The following PCDHGA1 variants were observed in gnomAD, a reference collection of about 807,000 sequenced individuals.
PCDHGA1 encodes the protein protocadherin gamma subfamily A, 1, also known as protocadherin gamma-A1.
A neutral mutation model predicts 58.0 loss-of-function variants in PCDHGA1; 32 were observed. That is an observed-to-expected ratio of 0.55 (90% CI 0.42 to 0.74). The LOEUF (loss-of-function observed/expected upper bound fraction) is 0.74. PCDHGA1 is among the 30% of genes least tolerant of loss of function. The pLI, the probability that PCDHGA1 is intolerant of heterozygous loss-of-function variation, is 0.00. For missense variants in PCDHGA1, 1,205 were observed against 1,182.3 expected (o/e 1.02, Z -0.28); for synonymous variants, 498 against 501.1 (o/e 0.99, Z 0.08).
rs747633858 is a variant in PCDHGA1, at chr5:141,491,133, C to T, written c.2422-3674C>T. 6.2e-6 allele frequency: 10 copies of T among 1,614,158 alleles called. No homozygotes were observed. In the South Asian group the frequency reaches 9.9e-5, roughly 16 times the overall value. The stretch of plus-strand genomic sequence containing the variant: ...CACACACTGGTGAGGTGCGCACAGC[C>T]CGGGCCTTACTGGAGGATGACTCTG... On this transcript the variant is annotated intron_variant, in intron 1 of 3. Transcript: ENST00000517417. The surrounding 1 kb of genome is among the most constrained non-coding windows in gnomAD (Gnocchi z 6.9).
rs369886570 is a variant in PCDHGA1 at position 141,487,839 on chromosome 5, G to A, written c.2422-6968G>A. ...GGGGGCGGGTCATGCCTATATCTGAGTAAGAAATGAAAGTAATTGGTGATC... is the reference window on the plus strand; with the variant it reads ...GGGGGCGGGTCATGCCTATATCTGAATAAGAAATGAAAGTAATTGGTGATC... On this transcript the variant is annotated intron_variant, in intron 1 of 3. Transcript: ENST00000517417. The surrounding 1 kb of genome is among the most constrained non-coding windows in gnomAD (Gnocchi z 5.0). The A allele has an allele frequency of 2.7e-6, 3 of 1,103,412 alleles. No homozygotes were observed. Among genetic ancestry groups the A allele is most frequent in the African/African-American group, 1.6e-5 (1 of 63,054 alleles). The allele number at this position is 1,103,412 out of a possible 1,614,324, so 68.4% of individuals were successfully genotyped here.
intron 3 of PCDHGA1, chr5:141,508,084 T>A (rs1422530110): frequency 6.6e-6 from 1 of 152,432 alleles, no homozygotes; most frequent in East Asian, 1.9e-4. Flanking sequence ...CTGGAGTTGC[T>A]GCCTTGGCCC....
intron 1 of PCDHGA1, among the ~76,000 whole-genome samples, chr5:141,480,873 C>A (rs1026513782): frequency 6.6e-6 from 1 of 152,168 alleles, no homozygotes; most frequent in East Asian, 1.9e-4. Context: ...GGTGAAACCC[C>A]GTCTCTACTA....
chr5:141,348,668 AG>A, intron 1 of PCDHGA1, among the ~76,000 whole-genome samples: 1 of 152,312 alleles, frequency 6.6e-6, no homozygotes, highest in East Asian at 1.9e-4. Context: ...TTCACTAAAA[AG>A]GATTTATTTT....
chr5:141,411,868 A>G (rs2095520425), intron 1 of PCDHGA1: 1 of 152,224 alleles, frequency 6.6e-6, no homozygotes, highest in South Asian at 2.1e-4. Flanking sequence ...TCAAAAAAAA[A>G]AGACATTTCT....
At chr5:141,428,290 C>G in intron 1 of PCDHGA1, 2 of 726,802 alleles carry the variant, frequency 2.8e-6, no homozygotes, top group Non-Finnish European at 4.8e-6. Context: ...CCAAGCAAAG[C>G]TGCAGATTTA....
intron 1 of PCDHGA1, chr5:141,422,851 C>A (rs1459531183): frequency 1.2e-6 from 2 of 1,614,122 alleles, no homozygotes; most frequent in African/African-American, 1.3e-5. Flanking sequence ...CGGGGACCCG[C>A]CCCTCAGCAG....
At position 141,362,803 on chromosome 5, in the gene PCDHGA1, A is replaced by G. The variant is rs148727944; in HGVS notation, c.2421+29698A>G. On this transcript the variant is annotated intron_variant, in intron 1 of 3. Transcript: ENST00000517417. ...ATTTCTTTTTCTTCCTCATCTTTACATTACTTCTCTCTGCAGATTTGTTGC... is the reference window on the plus strand; with the variant it reads ...ATTTCTTTTTCTTCCTCATCTTTACGTTACTTCTCTCTGCAGATTTGTTGC... 1.0e-3 allele frequency among the ~76,000 whole-genome samples: 152 copies of G among 152,282 alleles called. 1 individual carries two copies. The highest frequency in any genetic ancestry group is 3.3e-3 in the African/African-American group (137 of 41,538).
chr5:141,361,218 A>G (rs963780957), intron 1 of PCDHGA1: 8 of 1,613,906 alleles, frequency 5.0e-6, no homozygotes, highest in Non-Finnish European at 6.8e-6. Flanking sequence ...AGGATTCGCC[A>G]CCAGGAACAG....
intron 1 of PCDHGA1, chr5:141,440,405 CCACTG>C (rs2098176019): frequency 6.6e-6 from 1 of 152,126 alleles, no homozygotes; most frequent in South Asian, 2.1e-4. Flanking sequence ...GGCAATCGCA[CCACTG>C]CACTCCAGCC....
intron 1 of PCDHGA1, among the ~76,000 whole-genome samples, chr5:141,430,390 A>G (rs1231067120): frequency 6.6e-6 from 1 of 152,216 alleles, no homozygotes; most frequent in Non-Finnish European, 1.5e-5. Flanking sequence ...TGGGAAAAAA[A>G]AAAAAAGCTC....
intron 1 of PCDHGA1, among the ~76,000 whole-genome samples, chr5:141,472,422 C>T (rs1328468154): frequency 6.6e-6 from 1 of 152,008 alleles, no homozygotes; most frequent in East Asian, 1.9e-4. Flanking sequence ...GCACCTGTAT[C>T]CCAGCTACTA....
At chr5:141,500,340 C>A (rs188966393) in intron 2 of PCDHGA1, among the ~76,000 whole-genome samples, 92 of 152,066 alleles carry the variant, frequency 6.0e-4, no homozygotes, top group African/African-American at 2.1e-3. Flanking sequence ...TCCAGAATAG[C>A]TGGGACTACA....
intron 1 of PCDHGA1, among the ~76,000 whole-genome samples, chr5:141,429,326 T>A (rs571458414): frequency 6.6e-6 from 1 of 152,230 alleles, no homozygotes; most frequent in East Asian, 1.9e-4. Context: ...TTTTCTTTAA[T>A]CCATTAACTA....
intron 1 of PCDHGA1, chr5:141,383,222 TC>T: frequency 6.2e-7 from 1 of 1,613,962 alleles, no homozygotes. Flanking sequence ...AACTTTAACA[TC>T]CTGATGGAAG....
chr5:141,422,938 G>A (rs1226350240), intron 1 of PCDHGA1: 2 of 1,614,116 alleles, frequency 1.2e-6, no homozygotes, highest in Non-Finnish European at 1.7e-6. Flanking sequence ...CCTCCCCACA[G>A]ACGGCTCCAC....
intron 1 of PCDHGA1, chr5:141,372,218 T>G: frequency 3.1e-6 from 5 of 1,613,544 alleles, no homozygotes; most frequent in Non-Finnish European, 4.2e-6. Context: ...CCTACCACAT[T>G]GTGCAGGCCA....
At chr5:141,421,241 T>C in intron 1 of PCDHGA1, 1 of 1,600,982 alleles carries the variant, frequency 6.2e-7, no homozygotes, top group Non-Finnish European at 8.5e-7. Flanking sequence ...GCGAATCGGC[T>C]ACAGCGCGGG....
rs539688648 is a variant in PCDHGA1 at position 141,332,914 on chromosome 5, G to A, written c.2230G>A (p.Asp744Asn). 6.2e-7 allele frequency: 1 copy of A among 1,614,218 alleles called. No homozygotes were observed. The highest frequency in any genetic ancestry group is 8.5e-7 in the Non-Finnish European group (1 of 1,180,044). Residue 744 changes from aspartate to asparagine, a missense_variant, in exon 1 of 4, where the codon GAC (aspartate) becomes AAC (asparagine). Coordinates refer to ENST00000517417, the MANE Select transcript of PCDHGA1 (RefSeq NM_018912.3). This position sits in a 1 kb window ranked among gnomAD's most constrained non-coding sequence, Gnocchi z 4.6. Reference protein sequence around the residue: ...SMPGSHFVGVDGVRAFLQTYS... With the variant: ...SMPGSHFVGVNGVRAFLQTYS... ...GCCCGGTTCGCACTTTGTGGGCGTG[G>A]ACGGGGTTCGGGCTTTCCTGCAGAC...
Sources: allele counts gnomAD v4.1 joint callset (sites outside exome capture counted in the v4.1 genomes callset), GRCh38; gene constraint gnomAD v4.1.1; non-coding constraint Gnocchi (gnomAD v3.1); transcripts MANE v1.5; gene names NCBI Gene and HGNC (gene_info 2026-07-23, HGNC 2026-07-21).